The following SDK1 variants were observed in gnomAD, a reference collection of about 807,000 sequenced individuals.
SDK1 encodes the protein protein sidekick-1.
SDK1 carries 157 observed loss-of-function variants against 245.5 expected under a neutral mutation model. The observed-to-expected ratio is 0.64, with a 90% CI of 0.56 to 0.73. The LOEUF is 0.73. SDK1 is among the 30% of genes least tolerant of loss of function. The pLI, the probability that SDK1 is intolerant of heterozygous loss-of-function variation, is 0.00. For missense variants in SDK1, 3,583 were observed against 3,002.3 expected, an observed-to-expected ratio of 1.19 and a Z score of -4.52; for synonymous variants, 1,647 against 1,278.5, an observed-to-expected ratio of 1.29 and a Z score of -6.15.
In SDK1 at chr7:3,905,551, T is replaced by G. The variant is rs1233638191; in HGVS notation, c.848-45372T>G. 3.3e-5 allele frequency among the ~76,000 whole-genome samples: 5 copies of G among 152,344 alleles called. No homozygotes were observed. The South Asian group carries it at 8.3e-4, about 25-fold the overall frequency. On this transcript the variant is annotated intron_variant, in intron 5 of 44. Transcript: ENST00000404826. ...TTCCTTATCTTTGCTGTCTACAGTT[T>G]CACTAGGTAGTTATTTTCTCCTGTT...
chr7:3,792,613 CCCATCCAT>C (rs3084872), intron 4 of SDK1, among the ~76,000 whole-genome samples: 47 of 148,524 alleles, frequency 3.2e-4, no homozygotes, highest in Admixed American at 1.1e-3. Flanking sequence ...CTTTCTCCCT[CCCATCCAT>C]CCATCCATCC....
At chr7:3,827,399 A>C (rs1446598573) in intron 5 of SDK1, among the ~76,000 whole-genome samples, 1 of 150,414 alleles carries the variant, frequency 6.6e-6, no homozygotes, top group Admixed American at 6.6e-5. Context: ...TGTCTTACTC[A>C]TCCTGAATCT....
chr7:3,725,029 T>C (rs1778968533), intron 4 of SDK1, among the ~76,000 whole-genome samples: 1 of 152,240 alleles, frequency 6.6e-6, no homozygotes, highest in Non-Finnish European at 1.5e-5. Context: ...TTAGACTTTC[T>C]TATTTAGCCA....
chr7:3,945,280 T>C (rs1231519833), intron 5 of SDK1, among the ~76,000 whole-genome samples: 1 of 152,148 alleles, frequency 6.6e-6, no homozygotes, highest in Non-Finnish European at 1.5e-5. Flanking sequence ...TTCGGAATAA[T>C]AGTGAGTGTT....
chr7:3,908,687 T>C (rs1779047209), intron 5 of SDK1, among the ~76,000 whole-genome samples: 1 of 152,178 alleles, frequency 6.6e-6, no homozygotes, highest in South Asian at 2.1e-4. Context: ...TCCTCTTTAA[T>C]ATATTTTTCA....
At chr7:4,016,940 T>C (rs1271113715) in intron 16 of SDK1, among the ~76,000 whole-genome samples, 1 of 152,250 alleles carries the variant, frequency 6.6e-6, no homozygotes, top group Non-Finnish European at 1.5e-5. Context: ...TTAACCGTTA[T>C]GTAGTTGAAA....
intron 16 of SDK1, among the ~76,000 whole-genome samples, chr7:4,015,056 G>T (rs1254245652): frequency 6.6e-6 from 1 of 152,136 alleles, no homozygotes; most frequent in Non-Finnish European, 1.5e-5. Flanking sequence ...CGGTAGAAGA[G>T]CAGTGTTTAA....
At chr7:3,419,403 C>T (rs969579518) in intron 1 of SDK1, among the ~76,000 whole-genome samples, 2 of 152,064 alleles carry the variant, frequency 1.3e-5, no homozygotes, top group Admixed American at 1.3e-4. Flanking sequence ...TGCTCATGTT[C>T]TCCTCCCTGA....
Position 4,174,084 on chromosome 7 carries a change from G to C in SDK1, c.4801-138G>C, listed in dbSNP as rs560878094. ...GGGAGCTGCCTGGGTTCGTCTTGATGAATCTGACACCTGTCGCTGGAACCC... is the reference window on the plus strand; with the variant it reads ...GGGAGCTGCCTGGGTTCGTCTTGATCAATCTGACACCTGTCGCTGGAACCC... On this transcript the variant is annotated intron_variant, in intron 32 of 44. Coordinates refer to ENST00000404826, the MANE Select transcript of SDK1 (RefSeq NM_152744.4). The C allele has an allele frequency of 1.8e-5, 16 of 870,244 alleles. No homozygotes were observed. In the South Asian group the frequency reaches 2.5e-4, roughly 14 times the overall value. The allele number at this position is 870,244 out of a possible 1,614,324, so 53.9% of individuals were successfully genotyped here.
At position 3,676,797 on chromosome 7, in the gene SDK1, T is replaced by C. The variant is rs1463871182; in HGVS notation, c.713+34692T>C. Among the ~76,000 whole-genome samples, 12 of 152,226 alleles carry C rather than the reference T, an allele frequency of 7.9e-5. No individual in the cohort carries two copies. In the East Asian group the frequency reaches 2.3e-3, roughly 29 times the overall value. On this transcript the variant is annotated intron_variant, in intron 4 of 44. Transcript: ENST00000404826. Reference sequence around the variant, plus strand: ...GGAATCTTTACTCCATTGCTTATTTTTGTTGACTTTGTTGATCAGATGGTT... The same window carrying C: ...GGAATCTTTACTCCATTGCTTATTTCTGTTGACTTTGTTGATCAGATGGTT...
At chr7:3,486,819 T>C (rs944617274) in intron 1 of SDK1, among the ~76,000 whole-genome samples, 1 of 152,210 alleles carries the variant, frequency 6.6e-6, no homozygotes, top group Non-Finnish European at 1.5e-5. Context: ...AAAACTTAGA[T>C]AATTTTTGTG....
chr7:3,812,109 C>G (rs1258121819), intron 4 of SDK1, among the ~76,000 whole-genome samples: 6 of 152,222 alleles, frequency 3.9e-5, no homozygotes, highest in Admixed American at 3.3e-4. Flanking sequence ...TCCAGTATGT[C>G]TTCCCTGGAC....
rs1299619281 is a variant in SDK1, at chr7:3,485,686, T to TG, written c.299-133394_299-133393insG. On this transcript the variant is annotated intron_variant, in intron 1 of 44. Transcript: ENST00000404826. ...CTGAGGGGATGATCTTTGGAGGGTT[T>TG]TTTTTTTTTTTTTTTTTTTGAGCCA... 1.4e-3 allele frequency among the ~76,000 whole-genome samples: 187 copies of TG among 134,314 alleles called. 1 individual carries two copies. The highest frequency in any genetic ancestry group is 5.2e-3 in the African/African-American group (174 of 33,740). The allele number at this position is 134,314 out of a possible 152,430, so 88.1% of individuals were successfully genotyped here.
intron 1 of SDK1, among the ~76,000 whole-genome samples, chr7:3,482,556 T>G (rs1352319402): frequency 6.6e-6 from 1 of 152,206 alleles, no homozygotes; most frequent in Non-Finnish European, 1.5e-5. Flanking sequence ...CTTAACTCAC[T>G]GGAGTAGCAA....
chr7:3,792,038 G>C (rs888870942), intron 4 of SDK1, among the ~76,000 whole-genome samples: 2 of 152,128 alleles, frequency 1.3e-5, no homozygotes, highest in African/African-American at 4.8e-5. Context: ...TGAGGCATGA[G>C]GATTGCTTGA....
At chr7:3,933,553 G>C (rs556921686) in intron 5 of SDK1, among the ~76,000 whole-genome samples, 4 of 152,130 alleles carry the variant, frequency 2.6e-5, no homozygotes, top group South Asian at 2.1e-4. Flanking sequence ...CTTGATGTTG[G>C]TTAGGATAGA....
intron 4 of SDK1, among the ~76,000 whole-genome samples, chr7:3,677,184 G>A (rs960164366): frequency 1.3e-5 from 2 of 152,124 alleles, no homozygotes; most frequent in Non-Finnish European, 2.9e-5. Context: ...ATTCTGCTCT[G>A]TGTGCGAAGG....
At chr7:4,018,229 T>C (rs1786579496) in intron 17 of SDK1, among the ~76,000 whole-genome samples, 1 of 152,378 alleles carries the variant, frequency 6.6e-6, no homozygotes, top group Middle Eastern at 3.4e-3. Context: ...TGCTTAGGCA[T>C]TTTTATTGCT....
At chr7:3,965,277 A>G (rs1782002060) in intron 9 of SDK1, among the ~76,000 whole-genome samples, 1 of 152,114 alleles carries the variant, frequency 6.6e-6, no homozygotes, top group Non-Finnish European at 1.5e-5. Context: ...TGAGAATAAA[A>G]AAGAACCCAG....
Sources: allele counts gnomAD v4.1 joint callset (sites outside exome capture counted in the v4.1 genomes callset), GRCh38; gene constraint gnomAD v4.1.1; transcripts MANE v1.5; gene names NCBI Gene and HGNC (gene_info 2026-07-23, HGNC 2026-07-21).